NEK7: variants seen among roughly 807,000 people sequenced by gnomAD.
NEK7 encodes the protein NIMA related kinase 7.
NEK7 carries 18 observed loss-of-function variants against 44.6 expected under a neutral mutation model. The ratio of observed to expected loss-of-function variants is 0.40; its 90% CI spans 0.28 to 0.60. NEK7 has a LOEUF of 0.60. Among genes scored for constraint, NEK7 ranks in the 20% least tolerant of loss-of-function variants. NEK7 has a pLI of 0.38. For synonymous variants in NEK7, 130 were observed against 121.1 expected (o/e 1.07, Z -0.48); for missense variants, 256 against 366.5 (o/e 0.70, Z 2.46).
intron 9 of NEK7, among the ~76,000 whole-genome samples, chr1:198,310,073 G>A (rs1655130916): frequency 6.6e-6 from 1 of 151,828 alleles, no homozygotes; most frequent in Non-Finnish European, 1.5e-5. Flanking sequence ...GTGTAAAAGT[G>A]TTCCTATTTC....
chr1:198,292,641 G>A (rs1330856585), intron 7 of NEK7, among the ~76,000 whole-genome samples: 1 of 151,860 alleles, frequency 6.6e-6, no homozygotes, highest in East Asian at 1.9e-4. Flanking sequence ...AATCATTTAA[G>A]TAGGTATTCT....
intron 1 of NEK7, among the ~76,000 whole-genome samples, chr1:198,165,887 A>C (rs552238236): frequency 5.3e-5 from 8 of 152,348 alleles, no homozygotes; most frequent in South Asian, 2.1e-4. Context: ...TTTATCAATG[A>C]TCTTAGCTAG....
At chr1:198,238,886 C>T (rs748058565) in intron 2 of NEK7, among the ~76,000 whole-genome samples, 9 of 152,144 alleles carry the variant, frequency 5.9e-5, no homozygotes, top group Non-Finnish European at 1.3e-4. Flanking sequence ...TGAAATTTAT[C>T]GTATTCTGTT....
At chr1:198,196,072 A>G (rs1665228089) in intron 1 of NEK7, among the ~76,000 whole-genome samples, 1 of 152,212 alleles carries the variant, frequency 6.6e-6, no homozygotes, top group African/African-American at 2.4e-5. Context: ...TTAATAATTT[A>G]TTAATTGAAA....
intron 4 of NEK7, among the ~76,000 whole-genome samples, chr1:198,262,916 C>G (rs2102947944): frequency 6.6e-6 from 1 of 150,994 alleles, no homozygotes; most frequent in South Asian, 2.1e-4. Flanking sequence ...ATTTTTTTTT[C>G]TTGACCACCC....
At chr1:198,253,775 C>A (rs1403459232) in intron 3 of NEK7, among the ~76,000 whole-genome samples, 1 of 152,158 alleles carries the variant, frequency 6.6e-6, no homozygotes, top group Non-Finnish European at 1.5e-5. Context: ...TCCAGCTCCT[C>A]TTTCCAAGTC....
At chr1:198,182,721 A>G (rs1395753560) in intron 1 of NEK7, among the ~76,000 whole-genome samples, 1 of 152,138 alleles carries the variant, frequency 6.6e-6, no homozygotes, top group Non-Finnish European at 1.5e-5. Flanking sequence ...ACATACTTTA[A>G]TGGCTCAGTA....
At chr1:198,157,328 A>C (rs1261848503) in intron 1 of NEK7, 52 bp downstream of exon 1, 1 of 152,052 alleles carries the variant, frequency 6.6e-6, no homozygotes, top group African/African-American at 2.4e-5. Flanking sequence ...TCCTGCCGGG[A>C]GGGGCCGCCT....
chr1:198,189,144 A>G (rs1180417439), intron 1 of NEK7, among the ~76,000 whole-genome samples: 1 of 152,180 alleles, frequency 6.6e-6, no homozygotes, highest in Non-Finnish European at 1.5e-5. Flanking sequence ...TATGTGTGGC[A>G]TGTTACGTAT....
intron 1 of NEK7, among the ~76,000 whole-genome samples, chr1:198,158,587 A>G (rs1200582627): frequency 6.6e-6 from 1 of 152,220 alleles, no homozygotes; most frequent in Non-Finnish European, 1.5e-5. Flanking sequence ...CTCAAAAGCT[A>G]CAGTATGTTT....
intron 7 of NEK7, among the ~76,000 whole-genome samples, chr1:198,280,899 T>G (rs1004210015): frequency 5.3e-5 from 8 of 151,426 alleles, no homozygotes; most frequent in African/African-American, 1.9e-4. Flanking sequence ...TCTTAACAGA[T>G]GAATCATAGA....
intron 9 of NEK7, among the ~76,000 whole-genome samples, chr1:198,299,408 G>A (rs548517155): frequency 1.2e-3 from 182 of 152,220 alleles, no homozygotes; most frequent in Non-Finnish European, 1.6e-3. Context: ...ATTTGGTAGT[G>A]CTATAATGTC....
intron 2 of NEK7, among the ~76,000 whole-genome samples, chr1:198,249,398 A>T (rs1167228237): frequency 6.6e-6 from 1 of 151,994 alleles, no homozygotes; most frequent in African/African-American, 2.4e-5. Context: ...TCCTTTGGGT[A>T]TATACCCAGT....
At chr1:198,203,251 T>A (rs1357033333) in intron 1 of NEK7, among the ~76,000 whole-genome samples, 2 of 152,208 alleles carry the variant, frequency 1.3e-5, no homozygotes, top group African/African-American at 4.8e-5. Flanking sequence ...TCAAGCCTGG[T>A]GCTTGAAACT....
At chr1:198,268,602 G>A (rs1653734340) in intron 5 of NEK7, among the ~76,000 whole-genome samples, 1 of 152,046 alleles carries the variant, frequency 6.6e-6, no homozygotes, top group Non-Finnish European at 1.5e-5. Flanking sequence ...GACGTTAGAA[G>A]GGAGAGAAAC....
At chr1:198,284,390 A>G (rs899229844) in intron 7 of NEK7, among the ~76,000 whole-genome samples, 1 of 152,170 alleles carries the variant, frequency 6.6e-6, no homozygotes, top group Admixed American at 6.6e-5. Context: ...ATATGAAGAC[A>G]TAGTTTGCTC....
At chr1:198,170,306 C>G (rs551035616) in intron 1 of NEK7, among the ~76,000 whole-genome samples, 8 of 152,102 alleles carry the variant, frequency 5.3e-5, no homozygotes, top group African/African-American at 1.9e-4. Context: ...GTGTGGAGAC[C>G]AGACAGAGAC....
chr1:198,240,768 T>A (rs1191183443), intron 2 of NEK7, among the ~76,000 whole-genome samples: 1 of 152,206 alleles, frequency 6.6e-6, no homozygotes, highest in Non-Finnish European at 1.5e-5. Flanking sequence ...CGATCTCGGC[T>A]CACTGCAACC....
At chr1:198,171,332 T>A (rs1299290086) in intron 1 of NEK7, among the ~76,000 whole-genome samples, 1 of 152,196 alleles carries the variant, frequency 6.6e-6, no homozygotes, top group East Asian at 1.9e-4. Flanking sequence ...TTTTCCTTGC[T>A]TAAAGTCCTT....
Sources: gnomAD v4.1 joint callset for allele counts (sites outside exome capture counted in the v4.1 genomes callset) on GRCh38, gnomAD v4.1.1 for gene constraint, MANE v1.5 for transcripts, NCBI Gene and HGNC (gene_info 2026-07-23, HGNC 2026-07-21) for gene names.